RASA2: variants seen among roughly 807,000 people sequenced by gnomAD.
RASA2 encodes the protein RAS p21 protein activator 2.
In RASA2, 155 loss-of-function variants were observed where a neutral mutation model predicts 118.2. That is an observed-to-expected ratio of 1.31 (90% CI 1.15 to 1.50). The LOEUF (loss-of-function observed/expected upper bound fraction) is 1.50, where lower values mean the gene tolerates loss of function less well. Among genes scored for constraint, RASA2 ranks in the 40% most tolerant of loss-of-function variants. The pLI, the probability that RASA2 is intolerant of heterozygous loss-of-function variation, is 0.00. For synonymous variants in RASA2, 353 were observed against 349.1 expected, an observed-to-expected ratio of 1.01 and a Z score of -0.12; for missense variants, 1,016 against 1,009.6, an observed-to-expected ratio of 1.01 and a Z score of -0.09.
intron 19 of RASA2, among the ~76,000 whole-genome samples, chr3:141,587,670 TG>T (rs1475587135): frequency 4.2e-5 from 6 of 143,124 alleles, no homozygotes; most frequent in African/African-American, 1.6e-4. Context: ...GCTGAGATCT[TG>T]CCACTGCACT....
chr3:141,494,657 G>A (rs2081678721), intron 1 of RASA2, among the ~76,000 whole-genome samples: 1 of 152,134 alleles, frequency 6.6e-6, no homozygotes. Context: ...GTGAACCACT[G>A]CGCCTGGCCC....
intron 4 of RASA2, 47 bp downstream of exon 4, chr3:141,529,849 A>G: frequency 7.1e-7 from 1 of 1,416,818 alleles, no homozygotes; most frequent in Non-Finnish European, 9.8e-7. Context: ...ACAGGAAATG[A>G]GTAAAAAATG....
chr3:141,566,208 G>C (rs1387421602), intron 9 of RASA2, among the ~76,000 whole-genome samples: 1 of 152,202 alleles, frequency 6.6e-6, no homozygotes, highest in African/African-American at 2.4e-5. Context: ...ATGATTAATG[G>C]CTCTAAGCCG....
chr3:141,498,960 C>G (rs555478219), intron 1 of RASA2, among the ~76,000 whole-genome samples: 28 of 152,254 alleles, frequency 1.8e-4, no homozygotes, highest in African/African-American at 6.7e-4. Flanking sequence ...AGCACACATT[C>G]AAAACTGAAA....
At chr3:141,566,159 G>A (rs1427404245) in intron 9 of RASA2, among the ~76,000 whole-genome samples, 4 of 152,222 alleles carry the variant, frequency 2.6e-5, no homozygotes, top group African/African-American at 9.6e-5. Context: ...TTCCAGCTAA[G>A]TGAAGGAGGA....
At chr3:141,565,091 T>C (rs2082798291) in intron 9 of RASA2, among the ~76,000 whole-genome samples, 1 of 152,176 alleles carries the variant, frequency 6.6e-6, no homozygotes, top group Admixed American at 6.5e-5. Context: ...GTTCAAGCGA[T>C]TCTCCTGCCT....
rs181287433 is a variant in RASA2, at chr3:141,560,845, G to A, written c.863+850G>A. Reference sequence around the variant, plus strand: ...CTGCTGCCTCAAAGAGGAGTGTTTAGGTGTTTCTTATGGATATCAGTTTCA... The same window carrying A: ...CTGCTGCCTCAAAGAGGAGTGTTTAAGTGTTTCTTATGGATATCAGTTTCA... On this transcript the variant is annotated intron_variant, in intron 9 of 23. Transcript: ENST00000286364. 2.8e-3 allele frequency among the ~76,000 whole-genome samples: 425 copies of A among 152,136 alleles called. 2 individuals are homozygous for A. The highest frequency in any genetic ancestry group is 9.9e-3 in the African/African-American group (412 of 41,522).
At chr3:141,549,046 A>G (rs1398850422) in intron 5 of RASA2, among the ~76,000 whole-genome samples, 1 of 152,136 alleles carries the variant, frequency 6.6e-6, no homozygotes, top group Non-Finnish European at 1.5e-5. Context: ...CTGGAATTTA[A>G]CTGTGCTTCT....
chr3:141,567,983 T>G (rs2082849282), intron 9 of RASA2, among the ~76,000 whole-genome samples: 1 of 152,196 alleles, frequency 6.6e-6, no homozygotes, highest in South Asian at 2.1e-4. Context: ...ATAAATAATT[T>G]TCCCCAGTCT....
chr3:141,567,739 T>C (rs964811359), intron 9 of RASA2, among the ~76,000 whole-genome samples: 1 of 152,004 alleles, frequency 6.6e-6, no homozygotes, highest in Non-Finnish European at 1.5e-5. Flanking sequence ...AAGATGAAAA[T>C]GGAAAGACAA....
chr3:141,567,876 C>T (rs1055238726), intron 9 of RASA2, among the ~76,000 whole-genome samples: 1 of 152,156 alleles, frequency 6.6e-6, no homozygotes, highest in Admixed American at 6.5e-5. Context: ...GCAGATTATT[C>T]TGGGAGAAGA....
Position 141,540,513 on chromosome 3 carries a change from T to C in RASA2, c.451-20T>C, listed in dbSNP as rs1160607373. On this transcript the variant is annotated intron_variant, in intron 4 of 23. Transcript: ENST00000286364. ...TCAGTAAAATAGACTACTCAGTTTG[T>C]AATCTTTTTGTCATTATAGGGTAAA... 1 of 1,581,546 alleles carries C rather than the reference T, an allele frequency of 6.3e-7. No individual in the cohort carries two copies. Among genetic ancestry groups the C allele is most frequent in the Non-Finnish European group, 8.7e-7 (1 of 1,152,234 alleles).
intron 19 of RASA2, among the ~76,000 whole-genome samples, chr3:141,594,544 A>G (rs984232547): frequency 6.6e-6 from 1 of 152,102 alleles, no homozygotes; most frequent in Non-Finnish European, 1.5e-5. Flanking sequence ...AAAAGACAAG[A>G]TACATACACA....
At chr3:141,514,520 C>T (rs954917718) in intron 2 of RASA2, among the ~76,000 whole-genome samples, 2 of 152,098 alleles carry the variant, frequency 1.3e-5, no homozygotes, top group Non-Finnish European at 2.9e-5. Context: ...TATCATGTTA[C>T]ATTCACTAGA....
Position 141,571,448 on chromosome 3 carries a change from C to G in RASA2, c.1063C>G (p.Arg355Gly). The G allele has an allele frequency of 6.2e-7, 1 of 1,613,494 alleles. No homozygotes were observed. Among genetic ancestry groups the G allele is most frequent in the Non-Finnish European group, 8.5e-7 (1 of 1,179,708 alleles). Residue 355 changes from arginine to glycine, a missense_variant, in exon 11 of 24, where the codon CGA (arginine) becomes GGA (glycine). Arg to Gly is a moderately radical substitution (Grantham distance 125). Transcript: ENST00000286364. ...SAAYILSEIC[R>G]DKNDAVLPLV... ...TGCTTACATTTTGAGTGAAATATGT[C>G]GAGATAAAAATGATGCTGTTTTGCC...
At chr3:141,546,594 C>T (rs111761039) in intron 5 of RASA2, among the ~76,000 whole-genome samples, 26 of 152,154 alleles carry the variant, frequency 1.7e-4, no homozygotes, top group African/African-American at 4.6e-4. Context: ...GTTATTAATC[C>T]GTTCTCAGAT....
intron 4 of RASA2, among the ~76,000 whole-genome samples, chr3:141,534,072 CAT>C (rs2082294522): frequency 6.6e-6 from 1 of 152,180 alleles, no homozygotes; most frequent in African/African-American, 2.4e-5. Flanking sequence ...TTCTTTGCCA[CAT>C]ATGTGAAGTT....
At chr3:141,530,927 T>C (rs1302676630) in intron 4 of RASA2, among the ~76,000 whole-genome samples, 1 of 152,146 alleles carries the variant, frequency 6.6e-6, no homozygotes, top group African/African-American at 2.4e-5. Context: ...ACTTAGGTCC[T>C]AGTTTTTATA....
chr3:141,540,693 A>G, intron 5 of RASA2, 84 bp downstream of exon 5: 1 of 1,155,070 alleles, frequency 8.7e-7, no homozygotes, highest in Non-Finnish European at 1.2e-6. Flanking sequence ...CCTTGTTTTA[A>G]CTTCAGAAAC....
Sources: allele counts gnomAD v4.1 joint callset (sites outside exome capture counted in the v4.1 genomes callset), GRCh38; gene constraint gnomAD v4.1.1; transcripts MANE v1.5; gene names NCBI Gene and HGNC (gene_info 2026-07-23, HGNC 2026-07-21).